MDN1: variants seen among roughly 807,000 people sequenced by gnomAD.
The protein encoded by MDN1 is midasin AAA ATPase 1.
A neutral mutation model predicts 669.2 loss-of-function variants in MDN1; 266 were observed. The ratio of observed to expected loss-of-function variants is 0.40; its 90% CI spans 0.36 to 0.44. The LOEUF is 0.44. MDN1 is among the 20% of genes least tolerant of loss of function. The probability of loss-of-function intolerance (pLI) is 1.00; values close to 1 mark genes in which losing one functional copy is unlikely to be tolerated. For missense variants in MDN1, 5,940 were observed against 6,754.0 expected, an observed-to-expected ratio of 0.88 and a Z score of 4.22; for synonymous variants, 2,385 against 2,457.1, an observed-to-expected ratio of 0.97 and a Z score of 0.87.
chr6:89,691,837 G>A (rs373462747), intron 63 of MDN1, among the ~76,000 whole-genome samples: 4 of 152,026 alleles, frequency 2.6e-5, no homozygotes, highest in East Asian at 1.9e-4. Flanking sequence ...TACCTTAACC[G>A]GAGCAACTCT....
In MDN1 at chr6:89,728,944, A is replaced by G; in HGVS notation, c.5336T>C (p.Leu1779Ser). The G allele has an allele frequency of 6.2e-7, 1 of 1,613,962 alleles. No individual in the cohort carries two copies. Among genetic ancestry groups the G allele is most frequent in the Non-Finnish European group, 8.5e-7 (1 of 1,179,948 alleles). ...GACCGAGCTTACCGTTTGCTCTGAT[A>G]AGTTGATTCTAACAAGGGTATTTCC... The part of the protein sequence containing the change: ...ASGNTLVRIN[L>S]SEQTDITDLF... Residue 1779 changes from leucine (L) to serine (S), a missense_variant, in exon 36 of 102, where the codon TTA becomes TCA. Transcript: ENST00000369393.
At chr6:89,677,756 C>CG in intron 75 of MDN1, 60 bp from the exon 76 acceptor site, 1 of 1,607,458 alleles carries the variant, frequency 6.2e-7, no homozygotes, top group Admixed American at 1.7e-5. Context: ...GATGTGCCCC[C>CG]CTCTCCCCTG....
chr6:89,809,833 T>TAAAAA (rs1562242468), intron 1 of MDN1, among the ~76,000 whole-genome samples: 5 of 135,816 alleles, frequency 3.7e-5, no homozygotes, highest in East Asian at 2.1e-4. Flanking sequence ...TAAAATAAAA[T>TAAAAA]AAAAAATTAG....
In MDN1 at chr6:89,743,653, CAG is replaced by C. The variant is rs1219690784; in HGVS notation, c.4238_4239del (p.Ser1413CysfsTer30). On this transcript the variant is annotated frameshift_variant, in exon 30 of 102. Coordinates refer to ENST00000369393, the MANE Select transcript of MDN1 (RefSeq NM_014611.3). LOFTEE classifies it high-confidence loss of function. ...FAALANQKLY[S>X]VSCHLHMETS... Reference sequence around the variant, plus strand: ...GTCTCCATGTGTAAGTGGCAGCTGACAGAGTATAATTTCTGATTTGCCAAGGC... The same window carrying C: ...GTCTCCATGTGTAAGTGGCAGCTGACAGTATAATTTCTGATTTGCCAAGGC... 1.2e-6 allele frequency: 2 copies of C among 1,614,030 alleles called. No individual in the cohort carries two copies. Among genetic ancestry groups the C allele is most frequent in the Non-Finnish European group, 1.7e-6 (2 of 1,180,008 alleles).
intron 5 of MDN1, among the ~76,000 whole-genome samples, chr6:89,791,222 T>C (rs775869029): frequency 1.3e-5 from 2 of 152,172 alleles, no homozygotes; most frequent in African/African-American, 2.4e-5. Flanking sequence ...GCAAACCTCA[T>C]CTATTACTGT....
rs115402226 is a variant in MDN1, at chr6:89,787,898, G to A, written c.1290C>T (p.Asp430=). The A allele has an allele frequency of 3.0e-5, 49 of 1,613,642 alleles. No homozygotes were observed. In the Middle Eastern group the frequency reaches 6.6e-4, roughly 22 times the overall value. Reference sequence around the variant, plus strand: ...GAAATCCAGGTGCCACTTTCAGACAGTCACCTCGGCCAGGAATCAAGAGCT... The same window carrying A: ...GAAATCCAGGTGCCACTTTCAGACAATCACCTCGGCCAGGAATCAAGAGCT... ...NGELLIPGRG[D]CLKVAPGFQF... The change falls in exon 8 of 102, where the codon GAC becomes GAT. Residue 430 remains aspartate, a synonymous_variant. Transcript: ENST00000369393.
intron 17 of MDN1, among the ~76,000 whole-genome samples, chr6:89,761,281 T>C (rs9451268): frequency 0.13 from 19,065 of 152,214 alleles, 2,333 homozygotes; most frequent in East Asian, 0.44. Flanking sequence ...TAATGTCTTG[T>C]ACATTTCAAA....
At position 89,708,498 on chromosome 6, in the gene MDN1, G is replaced by A; in HGVS notation, c.7896C>T (p.Asn2632=). The change falls in exon 51 of 102, where the codon AAC becomes AAT. Residue 2632 remains asparagine (N), a splice_region_variant and synonymous_variant. Coordinates refer to ENST00000369393, the MANE Select transcript of MDN1 (RefSeq NM_014611.3). ...CCAGAGCAGCAGGTTTCACTTACTT[G>A]TTTGCAGCTGATTCTAAAAGGGCAA... ...QLFALLESAA[N]KTIIYLDREK... 6.2e-7 allele frequency: 1 copy of A among 1,613,936 alleles called. No individual in the cohort carries two copies. Among genetic ancestry groups the A allele is most frequent in the Non-Finnish European group, 8.5e-7 (1 of 1,179,954 alleles).
chr6:89,712,373 A>G, intron 48 of MDN1, 117 bp from the exon 49 acceptor site: 1 of 1,064,988 alleles, frequency 9.4e-7, no homozygotes, highest in Non-Finnish European at 1.4e-6. Context: ...AGAAAAGGAG[A>G]GTCTCCCACA....
At chr6:89,703,792 A>G (rs1472406622) in intron 53 of MDN1, among the ~76,000 whole-genome samples, 4 of 152,040 alleles carry the variant, frequency 2.6e-5, no homozygotes, top group Admixed American at 2.6e-4. Context: ...CAGGCAGATC[A>G]TCTGAGGTAA....
intron 34 of MDN1, among the ~76,000 whole-genome samples, chr6:89,731,806 C>A (rs570208679): frequency 4.8e-5 from 7 of 147,038 alleles, no homozygotes; most frequent in Admixed American, 2.7e-4. Flanking sequence ...CCGCCCCCCC[C>A]CCCCACCTTT....
chr6:89,671,724 T>G (rs1178580194), intron 82 of MDN1, among the ~76,000 whole-genome samples: 1 of 152,178 alleles, frequency 6.6e-6, no homozygotes, highest in African/African-American at 2.4e-5. Flanking sequence ...ATAAATAAAT[T>G]CTGCTGATTC....
intron 73 of MDN1, among the ~76,000 whole-genome samples, chr6:89,681,108 GA>G (rs1448618410): frequency 6.6e-6 from 1 of 152,082 alleles, no homozygotes; most frequent in Non-Finnish European, 1.5e-5. Context: ...GCAGCCAGGC[GA>G]AACTGGTCCT....
chr6:89,785,166 A>T (rs749309736), intron 8 of MDN1, 40 bp from the exon 9 acceptor site: 2 of 1,410,266 alleles, frequency 1.4e-6, no homozygotes, highest in Non-Finnish European at 2.0e-6. Context: ...ACAAAATTCC[A>T]AATTTTAATC....
chr6:89,679,774 T>C (rs141132535), intron 74 of MDN1, among the ~76,000 whole-genome samples: 14 of 152,168 alleles, frequency 9.2e-5, no homozygotes, highest in Non-Finnish European at 1.6e-4. Flanking sequence ...CAGCCAAATA[T>C]AGGCAGTCAC....
rs569104408 is a variant in MDN1 at position 89,772,455 on chromosome 6, A to G, written c.2083+118T>C. 2.4e-5 allele frequency: 26 copies of G among 1,081,572 alleles called. No homozygotes were observed. The African/African-American group carries it at 3.5e-4, about 14-fold the overall frequency. 67.0% of individuals were successfully genotyped at this position (1,081,572 alleles called of 1,614,324 possible). A position where few individuals can be genotyped will look rare whatever the true frequency, so the allele number is the denominator to read the frequency against. ...GTAGTTATTTCCAGGCAGAGATTAC[A>G]TGTGGGGTGCTGGCACTCTTTAAAC... On this transcript the variant is annotated intron_variant, in intron 14 of 101. Coordinates refer to ENST00000369393, the MANE Select transcript of MDN1 (RefSeq NM_014611.3).
Position 89,695,543 on chromosome 6 carries a change from A to T in MDN1, c.9771+62T>A. 6.6e-7 allele frequency: 1 copy of T among 1,521,610 alleles called. No individual in the cohort carries two copies. The highest frequency in any genetic ancestry group is 8.8e-7 in the Non-Finnish European group (1 of 1,131,990). The allele number at this position is 1,521,610 out of a possible 1,614,324, so 94.3% of individuals were successfully genotyped here. On this transcript the variant is annotated intron_variant, in intron 61 of 101. Coordinates refer to ENST00000369393, the MANE Select transcript of MDN1 (RefSeq NM_014611.3). This position sits in a 1 kb window ranked among gnomAD's most constrained non-coding sequence, Gnocchi z 4.1. ...CCCAAAAGGGAATAAAAGGAGTAAT[A>T]CAATAAGCAAACCCAGCACGTCAGG...
intron 17 of MDN1, among the ~76,000 whole-genome samples, chr6:89,759,219 G>T (rs1307457517): frequency 6.6e-6 from 1 of 152,160 alleles, no homozygotes; most frequent in Non-Finnish European, 1.5e-5. Context: ...TGGATGGTCA[G>T]GTAAATAGCT....
At position 89,700,656 on chromosome 6, in the gene MDN1, A is replaced by G. The variant is rs761657025; in HGVS notation, c.8628T>C (p.Asp2876=). The change falls in exon 56 of 102, where the codon GAT becomes GAC. Residue 2876 remains aspartate, a synonymous_variant. Coordinates refer to ENST00000369393, the MANE Select transcript of MDN1 (RefSeq NM_014611.3). ...GCTAGAATATTTTACCTAGGCTGAC[A>G]TCTTCCAAAATATTTGCTCTGAGGA... The part of the protein sequence containing the change: ...GLILRANILE[D]VSLDELKNFV... 5.6e-6 allele frequency: 9 copies of G among 1,614,070 alleles called. No individual in the cohort carries two copies. The highest frequency in any genetic ancestry group is 2.2e-5 in the South Asian group (2 of 91,082).
Sources: allele counts gnomAD v4.1 joint callset (sites outside exome capture counted in the v4.1 genomes callset), GRCh38; gene constraint gnomAD v4.1.1; non-coding constraint Gnocchi (gnomAD v3.1); transcripts MANE v1.5; gene names NCBI Gene and HGNC (gene_info 2026-07-23, HGNC 2026-07-21).